The following COTL1 variants were observed in gnomAD, a reference collection of about 807,000 sequenced individuals.
COTL1 encodes the protein coactosin-like protein.
Under a neutral mutation model 16.5 loss-of-function variants are expected in COTL1, and 15 were observed. The ratio of observed to expected loss-of-function variants is 0.91; its 90% CI spans 0.61 to 1.40. The LOEUF (loss-of-function observed/expected upper bound fraction) is 1.40, where lower values mean the gene tolerates loss of function less well. Ranked by LOEUF, COTL1 falls within the 40% of genes most tolerant of loss-of-function variation. COTL1 has a pLI of 0.00. For missense variants in COTL1, 220 were observed against 201.5 expected (o/e 1.09, Z -0.56); for synonymous variants, 112 against 85.3 (o/e 1.31, Z -1.73).
intron 2 of COTL1, chr16:84,596,239 G>C (rs1414593220): frequency 6.6e-6 from 1 of 152,250 alleles, no homozygotes; most frequent in African/African-American, 2.4e-5. Context: ...CAGCACAGGG[G>C]AGTGGTCTAT....
At chr16:84,586,947 T>A (rs903159857) in intron 3 of COTL1, among the ~76,000 whole-genome samples, 1 of 152,190 alleles carries the variant, frequency 6.6e-6, no homozygotes, top group Non-Finnish European at 1.5e-5. Flanking sequence ...AGATCTGCAA[T>A]GTGGTGCCCC....
At chr16:84,570,412 C>A (rs1904320384) in intron 3 of COTL1, among the ~76,000 whole-genome samples, 1 of 151,530 alleles carries the variant, frequency 6.6e-6, no homozygotes. Flanking sequence ...AAACAGACAG[C>A]AGATCTAGTA....
chr16:84,571,311 C>T (rs995185363), intron 3 of COTL1, among the ~76,000 whole-genome samples: 1 of 152,212 alleles, frequency 6.6e-6, no homozygotes, highest in African/African-American at 2.4e-5. Context: ...ACGGAGGACA[C>T]TGGAGGTCCG....
chr16:84,574,253 C>T (rs923071242), intron 3 of COTL1, among the ~76,000 whole-genome samples: 1 of 152,206 alleles, frequency 6.6e-6, no homozygotes, highest in Non-Finnish European at 1.5e-5. Flanking sequence ...CCTGGGGATG[C>T]GTTCCTGGTG....
chr16:84,565,706 G>GA lies in COTL1; in HGVS notation c.*1138dup, dbSNP rs1384896095. The stretch of plus-strand genomic sequence containing the variant: ...TCTTCCCCAAAACGAAATGAGCAAG[G>GA]AAAAACAGAAAAAGAGCTATATCAA... On this transcript the variant is annotated 3_prime_UTR_variant, in exon 4 of 4. Coordinates refer to ENST00000262428, the MANE Select transcript of COTL1 (RefSeq NM_021149.5). 1 of 152,602 alleles carries GA rather than the reference G, an allele frequency of 6.6e-6. No individual in the cohort carries two copies. Among genetic ancestry groups the GA allele is most frequent in the Non-Finnish European group, 1.5e-5 (1 of 68,052 alleles). 9.5% of individuals were successfully genotyped at this position (152,602 alleles called of 1,614,324 possible).
At chr16:84,579,716 G>A (rs1434791685) in intron 3 of COTL1, among the ~76,000 whole-genome samples, 2 of 152,170 alleles carry the variant, frequency 1.3e-5, no homozygotes, top group Non-Finnish European at 1.5e-5. Flanking sequence ...AAGACTAAGC[G>A]TGTGTGCTTG....
intron 3 of COTL1, among the ~76,000 whole-genome samples, chr16:84,577,848 C>T (rs888545009): frequency 3.3e-5 from 5 of 152,120 alleles, no homozygotes; most frequent in East Asian, 3.9e-4. Flanking sequence ...CAAATAGAGG[C>T]GGCTGTTCCT....
rs1904299709 is a variant in COTL1, at chr16:84,566,666, C to T, written c.*179G>A. 6 of 564,394 alleles carry T rather than the reference C, an allele frequency of 1.1e-5. No individual in the cohort carries two copies. The highest frequency in any genetic ancestry group is 2.4e-5 in the South Asian group (1 of 42,400). 35.0% of individuals were successfully genotyped at this position (564,394 alleles called of 1,614,324 possible). ...TCCATGAGCGTCATGAGATAGGACA[C>T]GGCAGGGTTCTAAGGGAAGCGGGAA... On this transcript the variant is annotated 3_prime_UTR_variant, in exon 4 of 4. Transcript: ENST00000262428.
chr16:84,588,227 T>A (rs995408756), intron 3 of COTL1, among the ~76,000 whole-genome samples: 6 of 151,442 alleles, frequency 4.0e-5, no homozygotes, highest in Admixed American at 2.0e-4. Context: ...TTAAAAATAA[T>A]AATAATAATA....
At chr16:84,592,708 A>G (rs1173358185) in intron 2 of COTL1, among the ~76,000 whole-genome samples, 1 of 151,956 alleles carries the variant, frequency 6.6e-6, no homozygotes, top group Non-Finnish European at 1.5e-5. Flanking sequence ...GACACAAACC[A>G]CCTGTCTACA....
Position 84,590,326 on chromosome 16 carries a change from G to A in COTL1, c.161-64C>T. 1.3e-6 allele frequency: 2 copies of A among 1,573,044 alleles called. No homozygotes were observed. Among genetic ancestry groups the A allele is most frequent in the Non-Finnish European group, 1.7e-6 (2 of 1,154,514 alleles). ...AAAACACCCCCATGTCATGTCCCTGGGGAGAGGCTGTGAGCCACGAGTGCG... is the reference window on the plus strand; with the variant it reads ...AAAACACCCCCATGTCATGTCCCTGAGGAGAGGCTGTGAGCCACGAGTGCG... On this transcript the variant is annotated intron_variant, in intron 2 of 3. Transcript: ENST00000262428. The surrounding 1 kb of genome is among the most constrained non-coding windows in gnomAD (Gnocchi z 5.5).
At chr16:84,586,629 G>A (rs1422075090) in intron 3 of COTL1, among the ~76,000 whole-genome samples, 1 of 152,026 alleles carries the variant, frequency 6.6e-6, no homozygotes, top group African/African-American at 2.4e-5. Flanking sequence ...ATTTATTTTA[G>A]ACAGAGTCTT....
At chr16:84,579,646 C>T (rs958260440) in intron 3 of COTL1, among the ~76,000 whole-genome samples, 2 of 152,222 alleles carry the variant, frequency 1.3e-5, no homozygotes, top group African/African-American at 4.8e-5. Flanking sequence ...TTAGCTCCTG[C>T]ATTTTGTCGG....
intron 3 of COTL1, among the ~76,000 whole-genome samples, chr16:84,585,645 C>G (rs1036819896): frequency 6.6e-5 from 10 of 152,166 alleles, no homozygotes; most frequent in African/African-American, 2.4e-4. Flanking sequence ...AACATCCGCT[C>G]TGAATCCCCG....
At position 84,617,509 on chromosome 16, in the gene COTL1, T is replaced by C. The variant is rs958141751; in HGVS notation, c.152A>G (p.Gln51Arg). ...CAGGCGCGCCTCCCTACCTGTGCAC[T>C]GCTGGATGAAGTGCTGGTACTCCGC... ...QGAEYQHFIQ[Q>R]CTDDVRLFAF... The change falls in exon 2 of 4, where the codon CAG (glutamine) becomes CGG (arginine). Residue 51 changes from glutamine (Q) to arginine (R), a missense_variant. Physicochemically the swap from Gln to Arg is conservative, Grantham distance 43. Coordinates refer to ENST00000262428, the MANE Select transcript of COTL1 (RefSeq NM_021149.5). The C allele has an allele frequency of 1.9e-6, 3 of 1,551,324 alleles. No homozygotes were observed. The highest frequency in any genetic ancestry group is 2.4e-5 in the East Asian group (1 of 41,202).
chr16:84,571,750 C>T (rs112253853), intron 3 of COTL1, among the ~76,000 whole-genome samples: 5 of 152,344 alleles, frequency 3.3e-5, no homozygotes, highest in Non-Finnish European at 5.9e-5. Context: ...ATGGGTGAGA[C>T]GGTGAGACGG....
At chr16:84,605,131 G>GC (rs113475077) in intron 2 of COTL1, among the ~76,000 whole-genome samples, 5,457 of 151,794 alleles carry the variant, frequency 0.036, 294 homozygotes, top group African/African-American at 0.12. Flanking sequence ...ACTTCCCACG[G>GC]CCCCCCATGG....
chr16:84,596,677 C>T (rs762056161), intron 2 of COTL1: 11 of 152,550 alleles, frequency 7.2e-5, no homozygotes, highest in South Asian at 2.1e-4. Flanking sequence ...GCACTGATCC[C>T]GCCTTCTACT....
intron 3 of COTL1, among the ~76,000 whole-genome samples, chr16:84,571,602 C>G (rs534921293): frequency 6.6e-6 from 1 of 152,204 alleles, no homozygotes. Flanking sequence ...TTCTTTGAGC[C>G]TGGCAGTGAC....
Sources: gnomAD v4.1 joint callset for allele counts (sites outside exome capture counted in the v4.1 genomes callset) on GRCh38, gnomAD v4.1.1 for gene constraint, Gnocchi (gnomAD v3.1) non-coding constraint, MANE v1.5 for transcripts, NCBI Gene and HGNC (gene_info 2026-07-23, HGNC 2026-07-21) for gene names.